The following GRID2 variants were observed in gnomAD, a reference collection of about 807,000 sequenced individuals.
GRID2 encodes glutamate ionotropic receptor delta type subunit 2, also known as glutamate receptor ionotropic, delta-2.
Under a neutral mutation model 114.8 loss-of-function variants are expected in GRID2, and 33 were observed. The ratio of observed to expected loss-of-function variants is 0.29; its 90% CI spans 0.22 to 0.38. The LOEUF (loss-of-function observed/expected upper bound fraction) is 0.38. GRID2 is among the 10% of genes least tolerant of loss of function. The pLI, the probability that GRID2 is intolerant of heterozygous loss-of-function variation, is 1.00. For missense variants in GRID2, 1,184 were observed against 1,257.7 expected (o/e 0.94, Z 0.89); for synonymous variants, 505 against 449.9 (o/e 1.12, Z -1.55).
intron 1 of GRID2, among the ~76,000 whole-genome samples, chr4:92,539,700 A>G (rs1316511541): frequency 6.6e-6 from 1 of 152,216 alleles, no homozygotes; most frequent in African/African-American, 2.4e-5. Context: ...GCATTAGAAA[A>G]GCAGTTCTTA....
intron 8 of GRID2, among the ~76,000 whole-genome samples, chr4:93,243,963 A>G (rs2149520235): frequency 6.6e-6 from 1 of 152,152 alleles, no homozygotes; most frequent in East Asian, 1.9e-4. Flanking sequence ...TCTGTTAGTC[A>G]CTATATAGAA....
downstream of GRID2, among the ~76,000 whole-genome samples, chr4:93,778,393 CTTTTT>C (rs36000401): frequency 9.5e-4 from 94 of 98,638 alleles, 1 homozygote; most frequent in Non-Finnish European, 1.4e-4. Flanking sequence ...TCTCATTTGG[CTTTTT>C]TTTTTTTTTT....
chr4:93,084,634 A>G (rs1730170597), intron 2 of GRID2, among the ~76,000 whole-genome samples: 1 of 152,200 alleles, frequency 6.6e-6, no homozygotes, highest in East Asian at 1.9e-4. Context: ...GATAATTACA[A>G]AAGTTTATCT....
chr4:93,174,750 G>A (rs1170648940), intron 4 of GRID2, among the ~76,000 whole-genome samples: 1 of 152,140 alleles, frequency 6.6e-6, no homozygotes, highest in Non-Finnish European at 1.5e-5. Flanking sequence ...CCAGCTTCCA[G>A]AACAGTGATA....
At chr4:92,972,603 T>A (rs915512293) in intron 2 of GRID2, among the ~76,000 whole-genome samples, 5 of 152,030 alleles carry the variant, frequency 3.3e-5, no homozygotes, top group African/African-American at 1.2e-4. Context: ...GAAAATAATT[T>A]TTTTTTTTAT....
intron 2 of GRID2, among the ~76,000 whole-genome samples, chr4:93,005,873 A>G (rs796624228): frequency 7.2e-5 from 11 of 152,138 alleles, no homozygotes; most frequent in African/African-American, 2.6e-4. Flanking sequence ...CAAGCCTCCT[A>G]CCTAGCTTAT....
intron 14 of GRID2, among the ~76,000 whole-genome samples, chr4:93,722,281 A>C (rs1235368701): frequency 6.6e-6 from 1 of 152,124 alleles, no homozygotes; most frequent in Non-Finnish European, 1.5e-5. Flanking sequence ...ACCTTATCAC[A>C]TTTAACCCCA....
At chr4:93,680,105 A>G in intron 14 of GRID2, among the ~76,000 whole-genome samples, 1 of 151,382 alleles carries the variant, frequency 6.6e-6, no homozygotes, top group East Asian at 1.9e-4. Flanking sequence ...TATCACTGCC[A>G]ATCCCACAGG....
At chr4:93,500,640 C>A (rs1370670459) in intron 12 of GRID2, among the ~76,000 whole-genome samples, 1 of 151,854 alleles carries the variant, frequency 6.6e-6, no homozygotes, top group African/African-American at 2.4e-5. Context: ...GCAAAATAAA[C>A]AAACAAAAAT....
chr4:93,680,093 G>T (rs1169911382), intron 14 of GRID2, among the ~76,000 whole-genome samples: 3 of 149,396 alleles, frequency 2.0e-5, no homozygotes, highest in Non-Finnish European at 4.5e-5. Context: ...TGATAAAGGG[G>T]ATATCACTGC....
At chr4:93,422,334 T>C (rs948165201) in intron 9 of GRID2, among the ~76,000 whole-genome samples, 2 of 127,812 alleles carry the variant, frequency 1.6e-5, no homozygotes, top group African/African-American at 4.5e-5. Context: ...GTTCTTAGAA[T>C]TTTTTTATCT....
At chr4:92,682,682 G>A (rs921605751) in intron 2 of GRID2, among the ~76,000 whole-genome samples, 5 of 142,702 alleles carry the variant, frequency 3.5e-5, no homozygotes, top group South Asian at 2.3e-4. Context: ...AAATCGCAGG[G>A]CACACACACA....
chr4:92,506,622 G>C (rs892756274), intron 1 of GRID2, among the ~76,000 whole-genome samples: 1 of 151,802 alleles, frequency 6.6e-6, no homozygotes, highest in Non-Finnish European at 1.5e-5. Flanking sequence ...ATTAGATTAA[G>C]AGAAAATGAT....
intron 2 of GRID2, among the ~76,000 whole-genome samples, chr4:92,982,022 TAAAAAAAAAAAAAA>T (rs1161216679): frequency 1.2e-5 from 1 of 80,202 alleles, no homozygotes; most frequent in Non-Finnish European, 2.5e-5. Flanking sequence ...AAAGTACTGG[TAAAAAAAAAAAAAA>T]AAAAAAAAAG....
At chr4:93,158,077 C>A (rs1326852183) in intron 4 of GRID2, among the ~76,000 whole-genome samples, 2 of 151,784 alleles carry the variant, frequency 1.3e-5, no homozygotes, top group Non-Finnish European at 2.9e-5. Context: ...ACAACTTTCT[C>A]AATCACACAG....
chr4:92,325,248 C>A (rs764407622), intron 1 of GRID2, among the ~76,000 whole-genome samples: 1 of 151,626 alleles, frequency 6.6e-6, no homozygotes, highest in African/African-American at 2.4e-5. Context: ...CCTTCTTTAC[C>A]GTAGTGTTTT....
At chr4:92,813,689 T>C (rs984021488) in intron 2 of GRID2, among the ~76,000 whole-genome samples, 1 of 151,822 alleles carries the variant, frequency 6.6e-6, no homozygotes, top group Admixed American at 6.6e-5. Flanking sequence ...CACACACACT[T>C]TTTAAGATGT....
intron 2 of GRID2, among the ~76,000 whole-genome samples, chr4:92,610,462 T>C (rs1206276409): frequency 6.6e-6 from 1 of 151,676 alleles, no homozygotes; most frequent in Admixed American, 6.6e-5. Context: ...AGAAGTATCA[T>C]TCTGCCCACC....
rs78108446 is a variant in GRID2 at position 93,633,077 on chromosome 4, G to A, written c.2360+6642G>A. Among the ~76,000 whole-genome samples the A allele has an allele frequency of 6.3e-3, 960 of 151,960 alleles. 13 individuals are homozygous for A. Among genetic ancestry groups the A allele is most frequent in the African/African-American group, 0.021 (889 of 41,438 alleles). ...TCTCTCTCTCTACACATGCATGCAT[G>A]CACACACATAGACACACAAAGAGTA... On this transcript the variant is annotated intron_variant, in intron 14 of 15. Transcript: ENST00000282020.
Sources: gnomAD v4.1 joint callset for allele counts (sites outside exome capture counted in the v4.1 genomes callset) on GRCh38, gnomAD v4.1.1 for gene constraint, MANE v1.5 for transcripts, NCBI Gene and HGNC (gene_info 2026-07-23, HGNC 2026-07-21) for gene names.